The following PCDHGA4 variants were observed in gnomAD, a reference collection of about 807,000 sequenced individuals.
The protein encoded by PCDHGA4 is protocadherin gamma-A4.
A neutral mutation model predicts 54.6 loss-of-function variants in PCDHGA4; 38 were observed. That is an observed-to-expected ratio of 0.70 (90% CI 0.54 to 0.91). PCDHGA4 has a LOEUF of 0.91. PCDHGA4 is among the 40% of genes least tolerant of loss of function. PCDHGA4 has a pLI of 0.00. For synonymous variants in PCDHGA4, 511 were observed against 512.9 expected (o/e 1.00, Z 0.05); for missense variants, 1,298 against 1,220.9 (o/e 1.06, Z -0.94).
chr5:141,413,262 G>A (rs2095621152), intron 1 of PCDHGA4: 2 of 1,613,960 alleles, frequency 1.2e-6, no homozygotes, highest in South Asian at 1.1e-5. Context: ...TTCCATGGGA[G>A]GCTGGAGCCC....
Position 141,489,323 on chromosome 5 carries a change from C to T in PCDHGA4, c.2515-5484C>T, listed in dbSNP as rs746520513. 1 of 1,601,632 alleles carries T rather than the reference C, an allele frequency of 6.2e-7. No individual in the cohort carries two copies. Among genetic ancestry groups the T allele is most frequent in the Non-Finnish European group, 8.5e-7 (1 of 1,172,950 alleles). ...TCCTTGTGCTGCTGGGGCTGGGTGT[C>T]TGGGCAGCTTCGTTACTCAGTGGTG... On this transcript the variant is annotated intron_variant, in intron 1 of 3. Coordinates refer to ENST00000571252, the MANE Select transcript of PCDHGA4 (RefSeq NM_018917.4). The surrounding 1 kb of genome is among the most constrained non-coding windows in gnomAD (Gnocchi z 4.5).
chr5:141,412,923 G>A, intron 1 of PCDHGA4: 1 of 420,946 alleles, frequency 2.4e-6, no homozygotes, highest in East Asian at 3.6e-5. Flanking sequence ...CTTGGGTGCA[G>A]TAACTTCTTA....
chr5:141,383,377 C>G (rs527434740), intron 1 of PCDHGA4: 1 of 1,614,010 alleles, frequency 6.2e-7, no homozygotes, highest in African/African-American at 1.3e-5. Context: ...GGCTGGGGAT[C>G]CAGATGTGGG....
rs1224015926 is a variant in PCDHGA4, at chr5:141,355,701, G to A, written c.594G>A (p.Leu198=). The change falls in exon 1 of 4, where the codon CTG becomes CTA. Residue 198 remains leucine, a synonymous_variant. Coordinates refer to ENST00000571252, the MANE Select transcript of PCDHGA4 (RefSeq NM_018917.4). The stretch of plus-strand genomic sequence containing the variant: ...ATCCGGATGTAGGTGTAAACTCCCT[G>A]CAGGGTTACCAGCTCAACTCAAACG... The part of the protein sequence containing the change: ...AFDPDVGVNS[L]QGYQLNSNGY... 1 of 1,613,860 alleles carries A rather than the reference G, an allele frequency of 6.2e-7. No homozygotes were observed. Among genetic ancestry groups the A allele is most frequent in the African/African-American group, 1.3e-5 (1 of 74,924 alleles).
At chr5:141,469,790 T>G (rs956670031) in intron 1 of PCDHGA4, among the ~76,000 whole-genome samples, 2 of 152,224 alleles carry the variant, frequency 1.3e-5, no homozygotes, top group African/African-American at 4.8e-5. Context: ...GCGTTATTTG[T>G]AATTGCAAAA....
In PCDHGA4 at chr5:141,370,188, T is replaced by G. The variant is rs1036214596; in HGVS notation, c.2514+12567T>G. ...AGAGGCGCCGGGTGCCGCTCTTGGCTAGTGCTGTGCAAAATATTGGCTCCT... is the reference window on the plus strand; with the variant it reads ...AGAGGCGCCGGGTGCCGCTCTTGGCGAGTGCTGTGCAAAATATTGGCTCCT... On this transcript the variant is annotated intron_variant, in intron 1 of 3. Transcript: ENST00000571252. 2.9e-4 allele frequency: 151 copies of G among 511,926 alleles called. 1 individual carries two copies. In the East Asian group the frequency reaches 4.2e-3, roughly 14 times the overall value. 31.7% of individuals were successfully genotyped at this position (511,926 alleles called of 1,614,324 possible).
chr5:141,375,817 G>A (rs376557886), intron 1 of PCDHGA4: 6 of 1,614,046 alleles, frequency 3.7e-6, no homozygotes, highest in Non-Finnish European at 4.2e-6. Flanking sequence ...TGGAGCTGGC[G>A]CCCCGCTCCG....
At chr5:141,367,223 C>G in intron 1 of PCDHGA4, 1 of 155,444 alleles carries the variant, frequency 6.4e-6, no homozygotes, top group Non-Finnish European at 1.4e-5. Flanking sequence ...TGGAAAGGTA[C>G]AGAGAACTTC....
At chr5:141,360,893 AG>A (rs753188026) in intron 1 of PCDHGA4, 17 of 1,614,046 alleles carry the variant, frequency 1.1e-5, no homozygotes, top group Non-Finnish European at 1.4e-5. Flanking sequence ...ACCCTGAGGG[AG>A]GACGTGCCGC....
intron 1 of PCDHGA4, chr5:141,430,826 CT>C (rs765096486): frequency 1.3e-6 from 2 of 1,550,416 alleles, no homozygotes; most frequent in East Asian, 2.2e-5. Flanking sequence ...CCTGGGGACT[CT>C]GTGGGAGACC....
intron 1 of PCDHGA4, chr5:141,492,050 C>T (rs2099736541): frequency 4.0e-6 from 2 of 500,984 alleles, no homozygotes; most frequent in South Asian, 7.5e-5. Context: ...AGATCCACCC[C>T]TGCAGCCAGC....
chr5:141,419,834 A>C, intron 1 of PCDHGA4: 1 of 1,614,072 alleles, frequency 6.2e-7, no homozygotes, highest in Non-Finnish European at 8.5e-7. Context: ...AGCCACTGCC[A>C]CGCTGCACCT....
intron 1 of PCDHGA4, chr5:141,357,826 T>A (rs1760741595): frequency 1.5e-6 from 1 of 686,352 alleles, no homozygotes; most frequent in Non-Finnish European, 2.4e-6. Context: ...TCCTTTTTGG[T>A]CTTCATTCAG....
intron 1 of PCDHGA4, among the ~76,000 whole-genome samples, chr5:141,457,968 G>A (rs919621979): frequency 6.6e-6 from 1 of 152,120 alleles, no homozygotes; most frequent in African/African-American, 2.4e-5. Context: ...TTCCTTAAAG[G>A]GAAACACACC....
At chr5:141,419,946 T>C in intron 1 of PCDHGA4, 1 of 1,614,086 alleles carries the variant, frequency 6.2e-7, no homozygotes, top group Non-Finnish European at 8.5e-7. Context: ...GTGGTGGCCT[T>C]GGCCTTGATT....
Position 141,491,420 on chromosome 5 carries a change from G to A in PCDHGA4, c.2515-3387G>A, listed in dbSNP as rs2099713954. 1.2e-6 allele frequency: 2 copies of A among 1,614,004 alleles called. No homozygotes were observed. The highest frequency in any genetic ancestry group is 2.2e-5 in the South Asian group (2 of 91,090). On this transcript the variant is annotated intron_variant, in intron 1 of 3. Transcript: ENST00000571252. This position sits in a 1 kb window ranked among gnomAD's most constrained non-coding sequence, Gnocchi z 6.9. ...GGAAACGCAGACGGGGACGGGGGTG[G>A]AGGGCAGTGCTGCAGGCGCCAGGAC...
At position 141,477,751 on chromosome 5, in the gene PCDHGA4, G is replaced by T; in HGVS notation, c.2515-17056G>T. 1.2e-6 allele frequency: 2 copies of T among 1,613,830 alleles called. No homozygotes were observed. Among genetic ancestry groups the T allele is most frequent in the Non-Finnish European group, 1.7e-6 (2 of 1,180,022 alleles). On this transcript the variant is annotated intron_variant, in intron 1 of 3. Coordinates refer to ENST00000571252, the MANE Select transcript of PCDHGA4 (RefSeq NM_018917.4). This position sits in a 1 kb window ranked among gnomAD's most constrained non-coding sequence, Gnocchi z 4.9. ...CTCATATCAGCGATGGGGGCACCCC[G>T]GTCCTAGCCACCAACATCAGCGTGA...
At chr5:141,363,501 C>T (rs187528196) in intron 1 of PCDHGA4, among the ~76,000 whole-genome samples, 5 of 152,306 alleles carry the variant, frequency 3.3e-5, no homozygotes, top group African/African-American at 1.2e-4. Context: ...AATAAAACCC[C>T]ATCCTCCACA....
chr5:141,388,373 T>TA (rs1239214460), intron 1 of PCDHGA4: 2 of 1,613,980 alleles, frequency 1.2e-6, no homozygotes, highest in African/African-American at 2.7e-5. Context: ...CGGATATTGG[T>TA]AGCAACACAC....
Sources: allele counts gnomAD v4.1 joint callset (sites outside exome capture counted in the v4.1 genomes callset), GRCh38; gene constraint gnomAD v4.1.1; non-coding constraint Gnocchi (gnomAD v3.1); transcripts MANE v1.5; gene names NCBI Gene and HGNC (gene_info 2026-07-23, HGNC 2026-07-21).